The following KCTD1 variants were observed in gnomAD, a reference collection of about 807,000 sequenced individuals.
KCTD1 encodes BTB/POZ domain-containing protein KCTD1.
KCTD1 carries 24 observed loss-of-function variants against 66.0 expected under a neutral mutation model. The observed-to-expected ratio is 0.36, with a 90% CI of 0.26 to 0.51. The LOEUF (loss-of-function observed/expected upper bound fraction) is 0.51. Ranked by LOEUF, KCTD1 falls within the 20% of genes least tolerant of loss-of-function variation. The probability of loss-of-function intolerance (pLI) is 0.95; values close to 1 mark genes in which losing one functional copy is unlikely to be tolerated. For missense variants in KCTD1, 943 were observed against 1,205.2 expected, an observed-to-expected ratio of 0.78 and a Z score of 3.22; for synonymous variants, 511 against 517.2, an observed-to-expected ratio of 0.99 and a Z score of 0.16.
intron 1 of KCTD1, among the ~76,000 whole-genome samples, chr18:26,617,003 A>G (rs753506893): frequency 6.6e-6 from 1 of 152,210 alleles, no homozygotes; most frequent in Non-Finnish European, 1.5e-5. Flanking sequence ...AAACCTTGCC[A>G]TTATTATTAT....
intron 2 of KCTD1, among the ~76,000 whole-genome samples, chr18:26,484,447 C>T (rs992282949): frequency 2.6e-5 from 4 of 152,114 alleles, no homozygotes; most frequent in African/African-American, 9.7e-5. Context: ...AGTGCAATAA[C>T]AAGTCAGGAA....
At chr18:26,523,565 C>T (rs1271742635) in intron 1 of KCTD1, among the ~76,000 whole-genome samples, 1 of 152,168 alleles carries the variant, frequency 6.6e-6, no homozygotes, top group Non-Finnish European at 1.5e-5. Context: ...GCAGAAGGAT[C>T]ACTTGAGCCC....
intron 1 of KCTD1, among the ~76,000 whole-genome samples, chr18:26,560,422 T>A (rs145305736): frequency 1.8e-3 from 279 of 152,314 alleles, no homozygotes; most frequent in Non-Finnish European, 3.6e-3. Flanking sequence ...GTTCCTGCGA[T>A]TGGCTGCATG....
chr18:26,520,482 T>C (rs1983858760), intron 1 of KCTD1, among the ~76,000 whole-genome samples: 3 of 151,274 alleles, frequency 2.0e-5, no homozygotes, highest in Admixed American at 2.0e-4. Context: ...TAAGCTGAAA[T>C]TACTACCTCT....
chr18:26,532,944 G>A (rs955374319), intron 1 of KCTD1, among the ~76,000 whole-genome samples: 1 of 152,174 alleles, frequency 6.6e-6, no homozygotes, highest in Non-Finnish European at 1.5e-5. Flanking sequence ...AGTGATAAGC[G>A]AAGTTGGTGC....
upstream of KCTD1, chr18:26,549,212 G>C (rs1256284931): frequency 1.0e-6 from 1 of 986,406 alleles, no homozygotes; most frequent in Non-Finnish European, 1.2e-6. Flanking sequence ...GAGCGGGATG[G>C]GGCTGGCGGC....
chr18:26,513,341 C>T (rs959124946), intron 1 of KCTD1, among the ~76,000 whole-genome samples: 1 of 152,078 alleles, frequency 6.6e-6, no homozygotes, highest in African/African-American at 2.4e-5. Flanking sequence ...CCCACTTCGG[C>T]CTCCCAAAGT....
At chr18:26,611,342 T>TTGTC (rs1286989328) in intron 1 of KCTD1, among the ~76,000 whole-genome samples, 2 of 125,362 alleles carry the variant, frequency 1.6e-5, no homozygotes, top group Non-Finnish European at 3.4e-5. Context: ...TTTTGTTTGT[T>TTGTC]TGTTTGTTTG....
intron 1 of KCTD1, among the ~76,000 whole-genome samples, chr18:26,609,312 C>T (rs1987084377): frequency 6.6e-6 from 1 of 152,154 alleles, no homozygotes; most frequent in Admixed American, 6.5e-5. Flanking sequence ...GGCATAAATG[C>T]ATCATGGCCT....
intron 1 of KCTD1, among the ~76,000 whole-genome samples, chr18:26,515,769 C>T (rs910344184): frequency 6.6e-6 from 1 of 152,066 alleles, no homozygotes; most frequent in Non-Finnish European, 1.5e-5. Flanking sequence ...CTCGGCCTCC[C>T]AAAGTGCTAG....
intron 1 of KCTD1, among the ~76,000 whole-genome samples, chr18:26,535,737 C>T (rs78690370): frequency 5.8e-4 from 89 of 152,232 alleles, no homozygotes; most frequent in African/African-American, 2.0e-3. Flanking sequence ...CTATAAGGTA[C>T]AGCTTTAAAA....
chr18:26,616,071 G>A (rs757608366), intron 1 of KCTD1, among the ~76,000 whole-genome samples: 7 of 151,808 alleles, frequency 4.6e-5, no homozygotes, highest in African/African-American at 1.2e-4. Flanking sequence ...GATTACAGGC[G>A]TGAGCCACTG....
chr18:26,492,668 A>T (rs1252121075), intron 2 of KCTD1, among the ~76,000 whole-genome samples: 1 of 151,942 alleles, frequency 6.6e-6, no homozygotes, highest in Non-Finnish European at 1.5e-5. Context: ...CATTGTTATC[A>T]AAGAGGAGGA....
intron 1 of KCTD1, among the ~76,000 whole-genome samples, chr18:26,603,568 C>G (rs932648459): frequency 1.3e-5 from 2 of 151,842 alleles, no homozygotes; most frequent in African/African-American, 4.8e-5. Flanking sequence ...TATGATGAAA[C>G]CCCGCCTCAA....
At chr18:26,549,173 G>C, upstream of KCTD1, 3 of 985,468 alleles carry the variant, frequency 3.0e-6, no homozygotes, top group African/African-American at 1.7e-5. Flanking sequence ...CTCGGCGCCC[G>C]CGGCCAGGGC....
At chr18:26,512,185 C>T (rs998797420) in intron 1 of KCTD1, among the ~76,000 whole-genome samples, 2 of 151,914 alleles carry the variant, frequency 1.3e-5, no homozygotes, top group African/African-American at 4.8e-5. Flanking sequence ...CTTACTGCAA[C>T]CTCTGCCTCC....
At chr18:26,488,116 A>C (rs534572) in intron 2 of KCTD1, among the ~76,000 whole-genome samples, 1 of 152,252 alleles carries the variant, frequency 6.6e-6, no homozygotes, top group African/African-American at 2.4e-5. Flanking sequence ...TTGGAAATAC[A>C]AACCATATCT....
At chr18:26,485,356 T>C (rs1311876372) in intron 2 of KCTD1, among the ~76,000 whole-genome samples, 3 of 152,204 alleles carry the variant, frequency 2.0e-5, no homozygotes, top group African/African-American at 7.2e-5. Flanking sequence ...ACCCACATCC[T>C]CACTGTGGCC....
Position 26,548,060 on chromosome 18 carries a change from C to T in KCTD1, c.477G>A (p.Val159=). Residue 159 remains valine (V), a synonymous_variant, in exon 1 of 5, where the codon GTG becomes GTA. Transcript: ENST00000580059. ...PGDGSELDPD[V]LQRPERARLS... ...GCCGGGCCCGCTCGGGGCGCTGCAGCACGTCGGGGTCCAGCTCGGAGCCGT... is the reference window on the plus strand; with the variant it reads ...GCCGGGCCCGCTCGGGGCGCTGCAGTACGTCGGGGTCCAGCTCGGAGCCGT... The T allele has an allele frequency of 6.7e-7, 1 of 1,496,960 alleles. No homozygotes were observed. Among genetic ancestry groups the T allele is most frequent in the Non-Finnish European group, 8.9e-7 (1 of 1,124,798 alleles). The allele number at this position is 1,496,960 out of a possible 1,614,324, so 92.7% of individuals were successfully genotyped here.
Sources: allele counts gnomAD v4.1 joint callset (sites outside exome capture counted in the v4.1 genomes callset), GRCh38; gene constraint gnomAD v4.1.1; transcripts MANE v1.5; gene names NCBI Gene and HGNC (gene_info 2026-07-23, HGNC 2026-07-21).